Variants in TMED10 observed in about 807,000 individuals in gnomAD.
TMED10 encodes the protein transmembrane p24 trafficking protein 10, also known as transmembrane emp24 domain-containing protein 10.
TMED10 carries 7 observed loss-of-function variants against 23.1 expected under a neutral mutation model. The observed-to-expected ratio is 0.30, with a 90% CI of 0.17 to 0.57. The LOEUF is 0.57. Among genes scored for constraint, TMED10 ranks in the 20% least tolerant of loss-of-function variants. TMED10 has a pLI of 0.91. For missense variants in TMED10, 162 were observed against 274.8 expected (o/e 0.59, Z 2.90); for synonymous variants, 113 against 106.9 (o/e 1.06, Z -0.35).
At chr14:75,145,524 G>A (rs559673709) in intron 3 of TMED10, among the ~76,000 whole-genome samples, 3 of 152,276 alleles carry the variant, frequency 2.0e-5, no homozygotes, top group East Asian at 1.9e-4. Context: ...GGTGCCTCAC[G>A]CATGTAATCC....
chr14:75,158,019 TC>T (rs1208023534), intron 1 of TMED10, among the ~76,000 whole-genome samples: 2 of 152,048 alleles, frequency 1.3e-5, no homozygotes, highest in Non-Finnish European at 2.9e-5. Context: ...TCTTTCTGCA[TC>T]CCATGCTGCC....
At chr14:75,171,281 ATT>A (rs377453522) in intron 1 of TMED10, among the ~76,000 whole-genome samples, 11 of 141,882 alleles carry the variant, frequency 7.8e-5, no homozygotes, top group Non-Finnish European at 7.8e-5. Context: ...ACTGGCTTTA[ATT>A]TTTTTTTTTT....
At chr14:75,135,067 A>G in intron 4 of TMED10, 61 bp from the exon 5 acceptor site, 1 of 1,600,364 alleles carries the variant, frequency 6.2e-7, no homozygotes, top group Non-Finnish European at 8.5e-7. Context: ...TGGCTAAACA[A>G]TGGCAGGGGA....
intron 1 of TMED10, among the ~76,000 whole-genome samples, chr14:75,165,565 C>T (rs1228136749): frequency 2.6e-5 from 4 of 152,230 alleles, no homozygotes; most frequent in Admixed American, 2.0e-4. Context: ...ATCTCAAAAA[C>T]GAAAAACATA....
chr14:75,163,832 C>T (rs1022447339), intron 1 of TMED10, among the ~76,000 whole-genome samples: 1 of 151,674 alleles, frequency 6.6e-6, no homozygotes, highest in African/African-American at 2.4e-5. Flanking sequence ...ACTGTGTTGC[C>T]CAGGCTGGTT....
At chr14:75,164,577 A>ATTTTTTT (rs60845992) in intron 1 of TMED10, among the ~76,000 whole-genome samples, 65 of 45,034 alleles carry the variant, frequency 1.4e-3, no homozygotes, top group Admixed American at 2.7e-3. Context: ...ATATATATAT[A>ATTTTTTT]TTTTTTTTTT....
intron 2 of TMED10, among the ~76,000 whole-genome samples, chr14:75,150,694 A>G (rs190533984): frequency 6.6e-6 from 1 of 152,346 alleles, no homozygotes; most frequent in East Asian, 1.9e-4. Context: ...GTAGTAGGCT[A>G]TAACATCTAG....
intron 2 of TMED10, among the ~76,000 whole-genome samples, chr14:75,148,125 T>G (rs1895911103): frequency 6.6e-6 from 1 of 152,044 alleles, no homozygotes; most frequent in East Asian, 1.9e-4. Flanking sequence ...AATCAAGAGA[T>G]AGTAGGCAAC....
intron 3 of TMED10, among the ~76,000 whole-genome samples, chr14:75,139,672 T>C (rs1289626303): frequency 1.3e-5 from 2 of 152,024 alleles, no homozygotes; most frequent in African/African-American, 4.8e-5. Context: ...ATCCCATCTT[T>C]CATCCAGAAA....
At chr14:75,169,399 C>T (rs1482461302) in intron 1 of TMED10, among the ~76,000 whole-genome samples, 2 of 152,192 alleles carry the variant, frequency 1.3e-5, no homozygotes, top group East Asian at 1.9e-4. Flanking sequence ...CACAGTGGCT[C>T]ACGCCTGTAA....
chr14:75,138,466 C>T (rs1699036865), intron 3 of TMED10, among the ~76,000 whole-genome samples: 1 of 152,138 alleles, frequency 6.6e-6, no homozygotes, highest in Admixed American at 6.5e-5. Flanking sequence ...AGTGAATGGC[C>T]AAATGCCAGG....
chr14:75,176,263 G>A (rs1487126044), intron 1 of TMED10, 92 bp downstream of exon 1: 6 of 1,502,124 alleles, frequency 4.0e-6, no homozygotes, highest in Non-Finnish European at 4.5e-6. Flanking sequence ...ACAACTCCCA[G>A]GCCTCCGCCG....
intron 1 of TMED10, among the ~76,000 whole-genome samples, chr14:75,157,894 C>A (rs953636073): frequency 1.3e-5 from 2 of 151,266 alleles, no homozygotes; most frequent in Non-Finnish European, 2.9e-5. Flanking sequence ...GAGCTGAGAT[C>A]GCACCACTGC....
At chr14:75,175,420 A>G (rs1042989050) in intron 1 of TMED10, among the ~76,000 whole-genome samples, 1 of 152,214 alleles carries the variant, frequency 6.6e-6, no homozygotes. Context: ...CAAGGAAGGA[A>G]TAAGGTTGCA....
At chr14:75,171,247 G>A (rs1407907700) in intron 1 of TMED10, among the ~76,000 whole-genome samples, 3 of 151,864 alleles carry the variant, frequency 2.0e-5, no homozygotes, top group Non-Finnish European at 2.9e-5. Flanking sequence ...GGAAGGAAAG[G>A]GAGAGAGTTA....
chr14:75,135,575 G>T, intron 4 of TMED10, 185 bp downstream of exon 4: 1 of 737,408 alleles, frequency 1.4e-6, no homozygotes, highest in Non-Finnish European at 2.1e-6. Flanking sequence ...CACAGTAGGA[G>T]TTTCTACTCT....
intron 1 of TMED10, among the ~76,000 whole-genome samples, chr14:75,164,703 G>A (rs1346052722): frequency 6.8e-6 from 1 of 146,034 alleles, no homozygotes; most frequent in East Asian, 2.0e-4. Flanking sequence ...GATTACAGAC[G>A]TAAGCCACCA....
chr14:75,151,797 A>G (rs149722183), intron 2 of TMED10, among the ~76,000 whole-genome samples: 152 of 152,366 alleles, frequency 1.0e-3, no homozygotes, highest in African/African-American at 3.3e-3. Flanking sequence ...CCACTATTAC[A>G]GTATCATACA....
chr14:75,164,532 AATATATAT>A (rs368412262), intron 1 of TMED10, among the ~76,000 whole-genome samples: 53 of 54,390 alleles, frequency 9.7e-4, no homozygotes, highest in African/African-American at 3.1e-3. Flanking sequence ...CACCTGGCCT[AATATATAT>A]ATATATATAT....
Sources: gnomAD v4.1 joint callset for allele counts (sites outside exome capture counted in the v4.1 genomes callset) on GRCh38, gnomAD v4.1.1 for gene constraint, MANE v1.5 for transcripts, NCBI Gene and HGNC (gene_info 2026-07-23, HGNC 2026-07-21) for gene names.